Variants in GOPC observed in about 807,000 individuals in gnomAD.
The protein encoded by GOPC is Golgi-associated PDZ and coiled-coil motif-containing protein.
GOPC carries 32 observed loss-of-function variants against 51.2 expected under a neutral mutation model. The observed-to-expected ratio is 0.63, with a 90% CI of 0.47 to 0.84. GOPC has a LOEUF of 0.84. Ranked by LOEUF, GOPC falls within the 40% of genes least tolerant of loss-of-function variation. The probability of loss-of-function intolerance (pLI) is 0.00; values close to 1 mark genes in which losing one functional copy is unlikely to be tolerated. For missense variants in GOPC, 441 were observed against 555.5 expected, an observed-to-expected ratio of 0.79 and a Z score of 2.07; for synonymous variants, 190 against 205.1, an observed-to-expected ratio of 0.93 and a Z score of 0.63.
chr6:117,583,070 T>C (rs1002607520), intron 1 of GOPC, among the ~76,000 whole-genome samples: 2 of 152,132 alleles, frequency 1.3e-5, no homozygotes, highest in African/African-American at 4.8e-5. Context: ...AGTTTGCTCC[T>C]GCAGGTACTA....
chr6:117,561,010 C>G lies in GOPC; in HGVS notation c.*2244G>C. 4.6e-6 allele frequency: 1 copy of G among 216,412 alleles called. No individual in the cohort carries two copies. Among genetic ancestry groups the G allele is most frequent in the Non-Finnish European group, 9.3e-6 (1 of 107,360 alleles). The allele number at this position is 216,412 out of a possible 1,614,324, so 13.4% of individuals were successfully genotyped here. On this transcript the variant is annotated 3_prime_UTR_variant, in exon 9 of 9. Coordinates refer to ENST00000368498, the MANE Select transcript of GOPC (RefSeq NM_020399.4). ...AGTTCATCCCCAAAAACCATACATT[C>G]TAAAATGAACTTTTAACTAGTTACT...
intron 1 of GOPC, among the ~76,000 whole-genome samples, chr6:117,590,341 C>T (rs1226781009): frequency 2.6e-5 from 4 of 151,980 alleles, no homozygotes; most frequent in Non-Finnish European, 4.4e-5. Context: ...GAGCCCAAGG[C>T]GGGTGGATTG....
chr6:117,588,502 C>T (rs1780066280), intron 1 of GOPC, among the ~76,000 whole-genome samples: 2 of 152,088 alleles, frequency 1.3e-5, no homozygotes, highest in Admixed American at 1.3e-4. Context: ...TTTTGAACTC[C>T]TGACCTCAAG....
chr6:117,601,161 T>G (rs1772000418), intron 1 of GOPC, among the ~76,000 whole-genome samples: 1 of 152,216 alleles, frequency 6.6e-6, no homozygotes. Flanking sequence ...AGTTAGAAAG[T>G]ACTCTTTATG....
chr6:117,596,865 T>C (rs997911875), intron 1 of GOPC, among the ~76,000 whole-genome samples: 6 of 152,182 alleles, frequency 3.9e-5, no homozygotes, highest in Non-Finnish European at 5.9e-5. Context: ...GCTTTGGCTA[T>C]GTGGGCTTTT....
intron 3 of GOPC, 81 bp from the exon 4 acceptor site, chr6:117,575,433 A>G: frequency 9.9e-7 from 1 of 1,008,164 alleles, no homozygotes; most frequent in Non-Finnish European, 1.5e-6. Flanking sequence ...AATGCACAAA[A>G]GCCTACAGTT....
rs1779586253 is a variant in GOPC, at chr6:117,561,634, G to A, written c.*1620C>T. ...CCCTGTCAAGAGCAAACAATAACAT[G>A]TAACTTGCTTATTCATTTGTACAAT... On this transcript the variant is annotated 3_prime_UTR_variant, in exon 9 of 9. Coordinates refer to ENST00000368498, the MANE Select transcript of GOPC (RefSeq NM_020399.4). The A allele has an allele frequency of 5.0e-6, 1 of 201,768 alleles. No homozygotes were observed. Among genetic ancestry groups the A allele is most frequent in the Admixed American group, 6.0e-5 (1 of 16,670 alleles). 12.5% of individuals were successfully genotyped at this position (201,768 alleles called of 1,614,324 possible).
At chr6:117,563,657 G>T (rs910656326) in intron 8 of GOPC, among the ~76,000 whole-genome samples, 1 of 151,914 alleles carries the variant, frequency 6.6e-6, no homozygotes, top group African/African-American at 2.4e-5. Context: ...AGGAAGTGGA[G>T]GTTGCAGTGA....
At chr6:117,595,184 T>C (rs1780179256) in intron 1 of GOPC, among the ~76,000 whole-genome samples, 1 of 152,198 alleles carries the variant, frequency 6.6e-6, no homozygotes, top group African/African-American at 2.4e-5. Flanking sequence ...GGCTATTCAT[T>C]GTTGCACTAT....
At chr6:117,596,861 G>A (rs1175356501) in intron 1 of GOPC, among the ~76,000 whole-genome samples, 3 of 152,052 alleles carry the variant, frequency 2.0e-5, no homozygotes, top group Non-Finnish European at 2.9e-5. Flanking sequence ...TCTTGCTTTG[G>A]CTATGTGGGC....
intron 1 of GOPC, among the ~76,000 whole-genome samples, chr6:117,593,260 A>C (rs976941391): frequency 1.3e-5 from 2 of 152,012 alleles, no homozygotes; most frequent in African/African-American, 4.8e-5. Context: ...GAAAAAAAAA[A>C]GCCATCAGAC....
At chr6:117,595,633 A>G (rs1034527418) in intron 1 of GOPC, among the ~76,000 whole-genome samples, 3 of 152,144 alleles carry the variant, frequency 2.0e-5, no homozygotes, top group Non-Finnish European at 1.5e-5. Flanking sequence ...TGTATGAGTG[A>G]GAACATACAT....
chr6:117,592,092 C>T (rs985183223), intron 1 of GOPC, among the ~76,000 whole-genome samples: 4 of 152,160 alleles, frequency 2.6e-5, no homozygotes, highest in Non-Finnish European at 4.4e-5. Context: ...CAAGGCTGGG[C>T]ACGGTGGCTC....
At chr6:117,563,971 T>C (rs957578310) in intron 8 of GOPC, among the ~76,000 whole-genome samples, 2 of 145,110 alleles carry the variant, frequency 1.4e-5, no homozygotes, top group Non-Finnish European at 3.1e-5. Context: ...TTTCCTTTCC[T>C]TTTTTTTTTT....
intron 1 of GOPC, among the ~76,000 whole-genome samples, chr6:117,580,924 CA>C (rs1420873584): frequency 6.6e-6 from 1 of 151,816 alleles, no homozygotes; most frequent in Non-Finnish European, 1.5e-5. Flanking sequence ...AGTGGATGTG[CA>C]ATGGAAGATT....
chr6:117,573,273 T>G (rs771401064), intron 5 of GOPC, among the ~76,000 whole-genome samples, 194 bp downstream of exon 5: 28 of 152,242 alleles, frequency 1.8e-4, no homozygotes, highest in Non-Finnish European at 3.8e-4. Context: ...TCTCAGGGCA[T>G]TAGTAAGTCT....
At chr6:117,572,745 C>G (rs1779823908) in intron 5 of GOPC, among the ~76,000 whole-genome samples, 1 of 152,168 alleles carries the variant, frequency 6.6e-6, no homozygotes, top group African/African-American at 2.4e-5. Context: ...GGCATAAGTG[C>G]TTATCGCTAT....
At chr6:117,579,141 GACA>G in intron 1 of GOPC, 77 bp from the exon 2 acceptor site, 1 of 1,125,130 alleles carries the variant, frequency 8.9e-7, no homozygotes, top group Non-Finnish European at 1.2e-6. Context: ...ATTCAAGAAT[GACA>G]ACAGAGAGAC....
chr6:117,577,903 A>G (rs1779905893), intron 2 of GOPC, among the ~76,000 whole-genome samples: 1 of 152,148 alleles, frequency 6.6e-6, no homozygotes, highest in South Asian at 2.1e-4. Flanking sequence ...CATGAATTTT[A>G]ACACATCAGT....
Sources: allele counts gnomAD v4.1 joint callset (sites outside exome capture counted in the v4.1 genomes callset), GRCh38; gene constraint gnomAD v4.1.1; transcripts MANE v1.5; gene names NCBI Gene and HGNC (gene_info 2026-07-23, HGNC 2026-07-21).